The following DNAJC24 variants were observed in gnomAD, a reference collection of about 807,000 sequenced individuals.
The protein encoded by DNAJC24 is DnaJ heat shock protein family (Hsp40) member C24, also known as dnaJ homolog subfamily C member 24.
Under a neutral mutation model 18.0 loss-of-function variants are expected in DNAJC24, and 17 were observed. The ratio of observed to expected loss-of-function variants is 0.94; its 90% CI spans 0.65 to 1.42. The LOEUF (loss-of-function observed/expected upper bound fraction) is 1.42, where lower values mean the gene tolerates loss of function less well. DNAJC24 is among the 40% of genes most tolerant of loss of function. The probability of loss-of-function intolerance (pLI) is 0.00; values close to 1 mark genes in which losing one functional copy is unlikely to be tolerated. For synonymous variants in DNAJC24, 55 were observed against 57.7 expected, an observed-to-expected ratio of 0.95 and a Z score of 0.21; for missense variants, 158 against 175.6, an observed-to-expected ratio of 0.90 and a Z score of 0.57.
chr11:31,384,424 G>C (rs1420821087), intron 2 of DNAJC24, among the ~76,000 whole-genome samples: 1 of 152,180 alleles, frequency 6.6e-6, no homozygotes, highest in Non-Finnish European at 1.5e-5. Context: ...ATCCTTGGTA[G>C]CACCAACTTC....
chr11:31,423,936 G>A (rs758396354), intron 3 of DNAJC24, among the ~76,000 whole-genome samples: 1 of 152,228 alleles, frequency 6.6e-6, no homozygotes, highest in Admixed American at 6.5e-5. Flanking sequence ...CTACTCTAAA[G>A]TTCCTCTGCA....
intron 4 of DNAJC24, chr11:31,426,783 C>T (rs1952866509): frequency 6.8e-6 from 1 of 147,246 alleles, no homozygotes; most frequent in Non-Finnish European, 1.5e-5. Flanking sequence ...CATAAACTGT[C>T]AGGACAGGGC....
chr11:31,420,401 G>A (rs957989710), intron 3 of DNAJC24, among the ~76,000 whole-genome samples: 16 of 152,106 alleles, frequency 1.1e-4, no homozygotes, highest in South Asian at 1.0e-3. Context: ...TTGTAGGTCC[G>A]TTTTATTGGG....
rs751590771 is a variant in DNAJC24, at chr11:31,414,771, C to G, written c.112-40C>G. The G allele has an allele frequency of 2.5e-6, 4 of 1,576,894 alleles. No individual in the cohort carries two copies. In the South Asian group the frequency reaches 3.5e-5, roughly 14 times the overall value. On this transcript the variant is annotated intron_variant, in intron 2 of 4. Coordinates refer to ENST00000465995, the MANE Select transcript of DNAJC24 (RefSeq NM_181706.5). ...TTTTTAAATCTAACCCCACTCAGCT[C>G]TCTCTACTCACCCCCTGCACCCTTC...
chr11:31,400,417 C>G (rs1952589432), intron 2 of DNAJC24, among the ~76,000 whole-genome samples: 1 of 152,130 alleles, frequency 6.6e-6, no homozygotes, highest in Non-Finnish European at 1.5e-5. Flanking sequence ...CCTGTATAGT[C>G]AGGACAATCC....
chr11:31,369,872 C>A lies in DNAJC24; in HGVS notation c.-74C>A, dbSNP rs1257966477. ...GAAGCCGGTCCGGAGTTCTGGCCGA[C>A]AGCAGGCGAGGAGTGGGTAGCAGCG... is the stretch of plus-strand genomic sequence containing the variant. On this transcript the variant is annotated 5_prime_UTR_variant, in exon 1 of 5. Coordinates refer to ENST00000465995, the MANE Select transcript of DNAJC24 (RefSeq NM_181706.5). The A allele has an allele frequency of 6.6e-6, 1 of 152,652 alleles. No homozygotes were observed. The highest frequency in any genetic ancestry group is 1.9e-4 in the East Asian group (1 of 5,174). 9.5% of individuals were successfully genotyped at this position (152,652 alleles called of 1,614,324 possible).
chr11:31,426,373 T>C lies in DNAJC24; in HGVS notation c.319+18T>C, dbSNP rs767131776. 3.2e-5 allele frequency: 44 copies of C among 1,387,974 alleles called. No individual in the cohort carries two copies. Among genetic ancestry groups the C allele is most frequent in the Non-Finnish European group, 4.2e-5 (43 of 1,020,458 alleles). 86.0% of individuals were successfully genotyped at this position (1,387,974 alleles called of 1,614,324 possible). On this transcript the variant is annotated intron_variant, in intron 4 of 4. Coordinates refer to ENST00000465995, the MANE Select transcript of DNAJC24 (RefSeq NM_181706.5). ...GAATGAAGGTTGGATTTTTTTTTTC[T>C]CTTGACAACATTTAAAAAAAAAAGG... is the stretch of plus-strand genomic sequence containing the variant.
chr11:31,403,125 A>G (rs909622399), intron 2 of DNAJC24, among the ~76,000 whole-genome samples: 17 of 146,680 alleles, frequency 1.2e-4, no homozygotes, highest in Middle Eastern at 3.4e-3. Flanking sequence ...GCATATATGC[A>G]TGTGTGTGTG....
In DNAJC24 at chr11:31,432,257, T is replaced by G. The variant is rs1952933891; in HGVS notation, c.*1856T>G. On this transcript the variant is annotated 3_prime_UTR_variant, in exon 5 of 5. Coordinates refer to ENST00000465995, the MANE Select transcript of DNAJC24 (RefSeq NM_181706.5). ...TTCAAAAGTGAGGTAGTCATCCAGG[T>G]TCCCCCTCCCACAATATTTTTGTAT... is the stretch of plus-strand genomic sequence containing the variant. 2 of 441,900 alleles carry G rather than the reference T, an allele frequency of 4.5e-6. No homozygotes were observed. Among genetic ancestry groups the G allele is most frequent in the Admixed American group, 3.9e-5 (1 of 25,630 alleles). 27.4% of individuals were successfully genotyped at this position (441,900 alleles called of 1,614,324 possible).
chr11:31,382,508 TTAAC>T (rs1442939886), intron 2 of DNAJC24, among the ~76,000 whole-genome samples: 1 of 152,248 alleles, frequency 6.6e-6, no homozygotes, highest in African/African-American at 2.4e-5. Context: ...TTATACTAAT[TTAAC>T]TATTATTGTC....
intron 2 of DNAJC24, among the ~76,000 whole-genome samples, chr11:31,395,698 TGTAAC>T (rs1474653788): frequency 6.6e-6 from 1 of 152,236 alleles, no homozygotes; most frequent in Non-Finnish European, 1.5e-5. Flanking sequence ...TTAAGGGTCT[TGTAAC>T]GTGTCAGGCA....
intron 2 of DNAJC24, among the ~76,000 whole-genome samples, chr11:31,371,067 G>C (rs1952237747): frequency 6.6e-6 from 1 of 152,198 alleles, no homozygotes; most frequent in Non-Finnish European, 1.5e-5. Flanking sequence ...GAGTCAGGCT[G>C]CTTGAGTTAG....
At chr11:31,384,661 G>A (rs986257104) in intron 2 of DNAJC24, 6 of 152,222 alleles carry the variant, frequency 3.9e-5, no homozygotes, top group Non-Finnish European at 8.8e-5. Flanking sequence ...CACACAGCAT[G>A]TGAAGTGATT....
rs1187010419 is a variant in DNAJC24 at position 31,426,365 on chromosome 11, T to C, written c.319+10T>C. 1 of 1,484,826 alleles carries C rather than the reference T, an allele frequency of 6.7e-7. No homozygotes were observed. Among genetic ancestry groups the C allele is most frequent in the Non-Finnish European group, 9.1e-7 (1 of 1,100,058 alleles). 92.0% of individuals were successfully genotyped at this position (1,484,826 alleles called of 1,614,324 possible). A position where few individuals can be genotyped will look rare whatever the true frequency, so the allele number is the denominator to read the frequency against. ...ATGTCTTGGAATGAAGGTTGGATTT[T>C]TTTTTTCTCTTGACAACATTTAAAA... is the stretch of plus-strand genomic sequence containing the variant. On this transcript the variant is annotated intron_variant, in intron 4 of 4. Coordinates refer to ENST00000465995, the MANE Select transcript of DNAJC24 (RefSeq NM_181706.5).
Position 31,430,379 on chromosome 11 carries a change from T to C in DNAJC24, c.428T>C (p.Ile143Thr), listed in dbSNP as rs576552524. 1 of 1,604,770 alleles carries C rather than the reference T, an allele frequency of 6.2e-7. No homozygotes were observed. The highest frequency in any genetic ancestry group is 1.1e-5 in the South Asian group (1 of 89,880). ...LISCDTCSLI[I>T]ELLHYN ...TCTTGTGATACATGTTCACTAATTA[T>C]AGAACTCCTTCATTATAACTAAAAT... The change falls in exon 5 of 5, where the codon ATA becomes ACA. Residue 143 changes from isoleucine (I) to threonine (T), a missense_variant. Ile to Thr is a moderately conservative substitution (Grantham distance 89). Coordinates refer to ENST00000465995, the MANE Select transcript of DNAJC24 (RefSeq NM_181706.5).
chr11:31,383,880 C>T (rs1197265494), intron 2 of DNAJC24, among the ~76,000 whole-genome samples: 1 of 152,178 alleles, frequency 6.6e-6, no homozygotes, highest in Non-Finnish European at 1.5e-5. Flanking sequence ...ATAATCTGTC[C>T]TTCTTCAGTC....
At chr11:31,425,076 G>C (rs1176979361) in intron 3 of DNAJC24, among the ~76,000 whole-genome samples, 4 of 151,382 alleles carry the variant, frequency 2.6e-5, no homozygotes, top group Non-Finnish European at 5.9e-5. Flanking sequence ...ATCTTTGATT[G>C]CCATCTTTGA....
intron 2 of DNAJC24, among the ~76,000 whole-genome samples, chr11:31,407,081 C>T (rs1243322533): frequency 2.0e-5 from 3 of 152,078 alleles, no homozygotes; most frequent in Non-Finnish European, 4.4e-5. Flanking sequence ...AAATTTGAAG[C>T]TAGAGACAGA....
At chr11:31,406,245 T>C (rs1408722237) in intron 2 of DNAJC24, among the ~76,000 whole-genome samples, 1 of 152,206 alleles carries the variant, frequency 6.6e-6, no homozygotes, top group Non-Finnish European at 1.5e-5. Context: ...TTCAATGTAA[T>C]AGAATGACAT....
Sources: allele counts gnomAD v4.1 joint callset (sites outside exome capture counted in the v4.1 genomes callset), GRCh38; gene constraint gnomAD v4.1.1; transcripts MANE v1.5; gene names NCBI Gene and HGNC (gene_info 2026-07-23, HGNC 2026-07-21).